Variants in DCC observed in about 807,000 individuals in gnomAD.
DCC encodes the protein netrin receptor DCC.
In DCC, 58 loss-of-function variants were observed where a neutral mutation model predicts 172.5. The ratio of observed to expected loss-of-function variants is 0.34; its 90% CI spans 0.27 to 0.42. The LOEUF is 0.42. DCC is among the 10% of genes least tolerant of loss of function. The pLI is 1.00. For missense variants in DCC, 1,740 were observed against 1,791.0 expected, an observed-to-expected ratio of 0.97 and a Z score of 0.51; for synonymous variants, 709 against 644.5, an observed-to-expected ratio of 1.10 and a Z score of -1.52.
At chr18:52,525,309 A>T (rs878992545) in intron 1 of DCC, among the ~76,000 whole-genome samples, 1 of 152,178 alleles carries the variant, frequency 6.6e-6, no homozygotes, top group Admixed American at 6.5e-5. Context: ...GGTCATCCAA[A>T]CTAGCCTGGT....
intron 1 of DCC, among the ~76,000 whole-genome samples, chr18:52,695,071 G>A (rs2035990566): frequency 6.6e-6 from 1 of 152,102 alleles, no homozygotes; most frequent in Non-Finnish European, 1.5e-5. Flanking sequence ...GACATCAGCT[G>A]TAAAGTTGGG....
chr18:52,963,762 G>A (rs2040883366), intron 5 of DCC, among the ~76,000 whole-genome samples: 1 of 151,776 alleles, frequency 6.6e-6, no homozygotes, highest in Non-Finnish European at 1.5e-5. Flanking sequence ...TTTTTGCTTT[G>A]GAGCAGTTAC....
At chr18:53,216,573 G>A (rs896556052) in intron 12 of DCC, among the ~76,000 whole-genome samples, 1 of 152,106 alleles carries the variant, frequency 6.6e-6, no homozygotes, top group Non-Finnish European at 1.5e-5. Flanking sequence ...ATAGTAAAAT[G>A]TATGCGATGA....
intron 1 of DCC, among the ~76,000 whole-genome samples, chr18:52,407,857 A>C (rs1250321783): frequency 6.6e-6 from 1 of 152,064 alleles, no homozygotes; most frequent in Non-Finnish European, 1.5e-5. Context: ...CCCATGGCCT[A>C]CATTTCTGTG....
chr18:53,304,265 T>A (rs891901713), intron 12 of DCC, among the ~76,000 whole-genome samples: 1 of 152,146 alleles, frequency 6.6e-6, no homozygotes, highest in Non-Finnish European at 1.5e-5. Flanking sequence ...GGTGGGGCCT[T>A]TTGCCAGAGA....
At chr18:53,227,713 C>T (rs13339708) in intron 12 of DCC, among the ~76,000 whole-genome samples, 20,654 of 152,080 alleles carry the variant, frequency 0.14, 2,265 homozygotes, top group African/African-American at 0.3. Context: ...TGGAAATTAC[C>T]GTGTCTTCTA....
intron 2 of DCC, among the ~76,000 whole-genome samples, chr18:52,878,905 G>T (rs973211731): frequency 6.6e-6 from 1 of 152,070 alleles, no homozygotes; most frequent in African/African-American, 2.4e-5. Flanking sequence ...AACTTCCATG[G>T]GTGTAGAACT....
chr18:52,637,069 G>A (rs906217459), intron 1 of DCC, among the ~76,000 whole-genome samples: 1 of 152,132 alleles, frequency 6.6e-6, no homozygotes, highest in Non-Finnish European at 1.5e-5. Flanking sequence ...AAGAGAGAGA[G>A]CAATCACTAC....
At chr18:52,461,465 G>A (rs116290466) in intron 1 of DCC, among the ~76,000 whole-genome samples, 2,719 of 152,138 alleles carry the variant, frequency 0.018, 86 homozygotes, top group African/African-American at 0.062. Flanking sequence ...TAATGCAGTC[G>A]TTTATTATCA....
At chr18:53,315,254 G>T (rs961514494) in intron 13 of DCC, among the ~76,000 whole-genome samples, 2 of 152,066 alleles carry the variant, frequency 1.3e-5, no homozygotes, top group African/African-American at 4.8e-5. Context: ...GAAAATGATG[G>T]TTTCCAGCTT....
At chr18:53,224,376 A>G (rs2055992002) in intron 12 of DCC, among the ~76,000 whole-genome samples, 1 of 152,168 alleles carries the variant, frequency 6.6e-6, no homozygotes, top group Non-Finnish European at 1.5e-5. Context: ...TAGAAGACGG[A>G]TTGCTGGGTT....
At chr18:53,305,960 C>G (rs1049525757) in intron 13 of DCC, among the ~76,000 whole-genome samples, 2 of 152,162 alleles carry the variant, frequency 1.3e-5, no homozygotes, top group African/African-American at 4.8e-5. Flanking sequence ...TTTATTCATA[C>G]TAGTTTCTCA....
chr18:52,435,935 C>G (rs1300015215), intron 1 of DCC, among the ~76,000 whole-genome samples: 2 of 152,220 alleles, frequency 1.3e-5, no homozygotes, highest in African/African-American at 2.4e-5. Flanking sequence ...ACCAAACAGG[C>G]CTTCTAAACG....
At chr18:52,964,204 T>C (rs2040891894) in intron 5 of DCC, among the ~76,000 whole-genome samples, 1 of 152,160 alleles carries the variant, frequency 6.6e-6, no homozygotes, top group African/African-American at 2.4e-5. Context: ...AGACAAAAAC[T>C]GTCTTTTAAT....
At chr18:52,814,488 A>G (rs11082947) in intron 2 of DCC, among the ~76,000 whole-genome samples, 16,705 of 152,220 alleles carry the variant, frequency 0.11, 1,004 homozygotes, top group South Asian at 0.2. Flanking sequence ...CTTCCATACA[A>G]TCTTGATCCT....
intron 1 of DCC, among the ~76,000 whole-genome samples, chr18:52,652,095 A>G (rs1443265800): frequency 6.6e-6 from 1 of 152,192 alleles, no homozygotes; most frequent in Non-Finnish European, 1.5e-5. Context: ...ATGAGACAAG[A>G]ACTAGGCGGT....
chr18:52,837,677 C>T (rs888340542), intron 2 of DCC, among the ~76,000 whole-genome samples: 1 of 152,184 alleles, frequency 6.6e-6, no homozygotes, highest in Non-Finnish European at 1.5e-5. Flanking sequence ...CTTCCGAGCC[C>T]TCCAAACTGT....
At chr18:53,061,168 C>T (rs1030279966) in intron 5 of DCC, among the ~76,000 whole-genome samples, 1 of 152,096 alleles carries the variant, frequency 6.6e-6, no homozygotes, top group African/African-American at 2.4e-5. Context: ...AACAGAGGCA[C>T]TCGCAGTGAG....
At chr18:52,458,356 C>T (rs776643354) in intron 1 of DCC, among the ~76,000 whole-genome samples, 21 of 152,128 alleles carry the variant, frequency 1.4e-4, no homozygotes, top group Non-Finnish European at 2.1e-4. Flanking sequence ...TCAGGAGACT[C>T]ATTGTCCCCC....
Sources: gnomAD v4.1 joint callset for allele counts (sites outside exome capture counted in the v4.1 genomes callset) on GRCh38, gnomAD v4.1.1 for gene constraint, MANE v1.5 for transcripts, NCBI Gene and HGNC (gene_info 2026-07-23, HGNC 2026-07-21) for gene names.